Variants in GASK1A observed in about 807,000 individuals in gnomAD.
GASK1A encodes golgi associated kinase 1A, also known as Golgi-associated kinase 1A.
Under a neutral mutation model 41.2 loss-of-function variants are expected in GASK1A, and 40 were observed. The ratio of observed to expected loss-of-function variants is 0.97; its 90% CI spans 0.75 to 1.27. The LOEUF (loss-of-function observed/expected upper bound fraction) is 1.27. GASK1A is among the 50% of genes most tolerant of loss of function. The probability of loss-of-function intolerance (pLI) is 0.00; values close to 1 mark genes in which losing one functional copy is unlikely to be tolerated. For synonymous variants in GASK1A, 316 were observed against 307.1 expected (o/e 1.03, Z -0.30); for missense variants, 678 against 745.1 (o/e 0.91, Z 1.05).
At chr3:43,014,464 G>A (rs530398197) in intron 1 of GASK1A, among the ~76,000 whole-genome samples, 1 of 151,636 alleles carries the variant, frequency 6.6e-6, no homozygotes, top group South Asian at 2.1e-4. Context: ...GGAAGAGGCA[G>A]TGTGAAGCCA....
At chr3:43,034,011 G>A (rs540767540) in intron 2 of GASK1A, among the ~76,000 whole-genome samples, 4 of 152,262 alleles carry the variant, frequency 2.6e-5, no homozygotes, top group East Asian at 1.9e-4. Flanking sequence ...CTTGAAATCC[G>A]TCAGGGTGTG....
At chr3:43,042,672 G>A (rs1247910513) in intron 2 of GASK1A, among the ~76,000 whole-genome samples, 2 of 152,134 alleles carry the variant, frequency 1.3e-5, no homozygotes, top group African/African-American at 2.4e-5. Flanking sequence ...TTGCTGTGGT[G>A]GATTCATCTT....
At chr3:43,053,228 G>C (rs1271221551) in intron 2 of GASK1A, among the ~76,000 whole-genome samples, 4 of 152,254 alleles carry the variant, frequency 2.6e-5, no homozygotes, top group African/African-American at 9.6e-5. Flanking sequence ...CAGAGCCTCA[G>C]AGGTGCCAGG....
At chr3:43,047,441 C>G (rs1405891144) in intron 2 of GASK1A, among the ~76,000 whole-genome samples, 1 of 152,230 alleles carries the variant, frequency 6.6e-6, no homozygotes, top group Admixed American at 6.5e-5. Context: ...CAGCCATTCT[C>G]TCTGTAGTCG....
intron 2 of GASK1A, chr3:43,037,256 G>A (rs1036440068): frequency 1.3e-5 from 13 of 991,810 alleles, no homozygotes; most frequent in African/African-American, 4.8e-5. Flanking sequence ...AAAATGGAGC[G>A]ATGGCCGAGG....
chr3:42,998,555 C>A (rs578108634), intron 1 of GASK1A, among the ~76,000 whole-genome samples: 1 of 152,182 alleles, frequency 6.6e-6, no homozygotes, highest in Non-Finnish European at 1.5e-5. Flanking sequence ...CCCTAGGAGG[C>A]GGGTGCTAAA....
intron 1 of GASK1A, among the ~76,000 whole-genome samples, chr3:43,002,202 T>C (rs2089413093): frequency 6.6e-6 from 1 of 152,202 alleles, no homozygotes; most frequent in Non-Finnish European, 1.5e-5. Flanking sequence ...TCGCAGAGGC[T>C]GAGTACGTGA....
At chr3:43,033,702 T>C in intron 2 of GASK1A, 149 bp downstream of exon 2, 1 of 723,714 alleles carries the variant, frequency 1.4e-6, no homozygotes, top group Non-Finnish European at 2.1e-6. Flanking sequence ...GTAATTTTCC[T>C]GCCTCTGTTT....
At chr3:43,010,207 A>T (rs2089456581) in intron 1 of GASK1A, among the ~76,000 whole-genome samples, 1 of 152,126 alleles carries the variant, frequency 6.6e-6, no homozygotes, top group Admixed American at 6.5e-5. Flanking sequence ...CCAGGCCGTT[A>T]TATATAGCAA....
At chr3:43,040,878 C>CCCG (rs1381580959) in intron 2 of GASK1A, among the ~76,000 whole-genome samples, 7 of 117,690 alleles carry the variant, frequency 5.9e-5, no homozygotes, top group Admixed American at 1.8e-4. Context: ...GCTATCCCTC[C>CCCG]CCCCCGCCAC....
At chr3:43,030,568 G>A (rs927652641) in intron 1 of GASK1A, among the ~76,000 whole-genome samples, 23 of 152,324 alleles carry the variant, frequency 1.5e-4, no homozygotes, top group South Asian at 4.1e-4. Flanking sequence ...TCTATGCAAC[G>A]GTTTCCTTCT....
At chr3:42,991,173 C>A (rs1179516744) in intron 1 of GASK1A, among the ~76,000 whole-genome samples, 2 of 151,898 alleles carry the variant, frequency 1.3e-5, no homozygotes, top group South Asian at 2.1e-4. Flanking sequence ...TTTCTTTTTT[C>A]TTTCTTATTT....
intron 1 of GASK1A, among the ~76,000 whole-genome samples, chr3:43,022,385 C>T (rs760753191): frequency 2.0e-4 from 30 of 152,000 alleles, no homozygotes; most frequent in Admixed American, 3.9e-4. Context: ...AGGATCAAAA[C>T]AGTCTGTCTT....
chr3:43,034,434 T>C (rs1276485610), intron 2 of GASK1A, among the ~76,000 whole-genome samples: 1 of 152,204 alleles, frequency 6.6e-6, no homozygotes, highest in South Asian at 2.1e-4. Context: ...TAACAACCAG[T>C]GTGGCTGTTC....
rs651899 is a variant in GASK1A at position 43,056,734 on chromosome 3, C to A, written c.*348C>A. 178,809 of 186,606 alleles carry A rather than the reference C, an allele frequency of 0.96. 86,101 individuals are homozygous for A. Among genetic ancestry groups the A allele is most frequent in the East Asian group, 1 (7,560 of 7,564 alleles). The allele number at this position is 186,606 out of a possible 1,614,324, so 11.6% of individuals were successfully genotyped here. On this transcript the variant is annotated 3_prime_UTR_variant, in exon 5 of 5. Coordinates refer to ENST00000430121, the MANE Select transcript of GASK1A (RefSeq NM_001129908.3). Reference sequence around the variant, plus strand: ...GTGTAGGTGTGGGTGGCATGTGTGCCCGCCTGCATGCAATACCTGAGACCA... The same window carrying A: ...GTGTAGGTGTGGGTGGCATGTGTGCACGCCTGCATGCAATACCTGAGACCA...
chr3:43,052,024 C>T (rs943492750), intron 2 of GASK1A, among the ~76,000 whole-genome samples: 10 of 152,130 alleles, frequency 6.6e-5, no homozygotes, highest in African/African-American at 2.4e-4. Context: ...GAGTTAGATA[C>T]CTACCAGTCA....
At chr3:42,990,917 G>A (rs1031370560) in intron 1 of GASK1A, among the ~76,000 whole-genome samples, 6 of 152,174 alleles carry the variant, frequency 3.9e-5, no homozygotes, top group South Asian at 2.1e-4. Context: ...GAATGAGCTC[G>A]AGGCTTGTGC....
At chr3:43,017,209 G>A (rs1260996601) in intron 1 of GASK1A, among the ~76,000 whole-genome samples, 1 of 151,148 alleles carries the variant, frequency 6.6e-6, no homozygotes, top group Non-Finnish European at 1.5e-5. Context: ...GTAGTGTGAA[G>A]TCACAGGGAG....
chr3:43,056,155 G>A, intron 4 of GASK1A, 21 bp from the exon 5 acceptor site: 2 of 1,534,050 alleles, frequency 1.3e-6, no homozygotes, highest in Non-Finnish European at 1.8e-6. Flanking sequence ...CTGTTACGGG[G>A]CTCTGGGGCC....
Sources: allele counts gnomAD v4.1 joint callset (sites outside exome capture counted in the v4.1 genomes callset), GRCh38; gene constraint gnomAD v4.1.1; transcripts MANE v1.5; gene names NCBI Gene and HGNC (gene_info 2026-07-23, HGNC 2026-07-21).